SPC25: variants seen among roughly 807,000 people sequenced by gnomAD.
SPC25 encodes kinetochore protein Spc25.
In SPC25, 22 loss-of-function variants were observed where a neutral mutation model predicts 29.6. That is an observed-to-expected ratio of 0.74 (90% CI 0.53 to 1.06). SPC25 has a LOEUF of 1.06. Ranked by LOEUF, SPC25 falls within the 50% of genes least tolerant of loss-of-function variation. The pLI is 0.00. For missense variants in SPC25, 230 were observed against 255.8 expected, an observed-to-expected ratio of 0.90 and a Z score of 0.69; for synonymous variants, 91 against 90.4, an observed-to-expected ratio of 1.01 and a Z score of -0.04.
At position 168,889,359 on chromosome 2, in the gene SPC25, C is replaced by T. The variant is rs201201972; in HGVS notation, c.133+28G>A. The T allele has an allele frequency of 2.9e-5, 47 of 1,613,570 alleles. No individual in the cohort carries two copies. The East Asian group carries it at 9.8e-4, about 34-fold the overall frequency. On this transcript the variant is annotated intron_variant, in intron 2 of 6. Coordinates refer to ENST00000282074, the MANE Select transcript of SPC25 (RefSeq NM_020675.4). ...AAAAAATAAACTAGAACAGCAAAAC[C>T]AGCATGTTACAAGTTAACACTAGGT...
At chr2:168,864,797 A>T (rs1302341766) in intron 4 of SPC25, 3 of 1,612,202 alleles carry the variant, frequency 1.9e-6, no homozygotes, top group African/African-American at 2.7e-5. Context: ...ATGTGTTCAC[A>T]TCACAGAGAC....
In SPC25 at chr2:168,889,705, A is replaced by C. The variant is rs2272061; in HGVS notation, c.-14-172T>G. 7.0e-3 allele frequency among the ~76,000 whole-genome samples: 1,059 copies of C among 152,312 alleles called. 39 individuals carry two copies. The East Asian group carries it at 0.1, about 14-fold the overall frequency. ...AGCCACCTGGGCTTAACTGTTGTTA[A>C]CGTGCAGCAATAATTCAGGACACCT... On this transcript the variant is annotated intron_variant, in intron 1 of 6. Coordinates refer to ENST00000282074, the MANE Select transcript of SPC25 (RefSeq NM_020675.4).
chr2:168,863,887 A>G, intron 4 of SPC25, among the ~76,000 whole-genome samples: 1 of 152,232 alleles, frequency 6.6e-6, no homozygotes, highest in Non-Finnish European at 1.5e-5. Context: ...AGGCAGCATA[A>G]GGATATATGA....
intron 3 of SPC25, among the ~76,000 whole-genome samples, chr2:168,886,253 ACTATATTGCCCAGG>A (rs1423020333): frequency 6.6e-6 from 1 of 151,912 alleles, no homozygotes; most frequent in Non-Finnish European, 1.5e-5. Flanking sequence ...ACAAGGTCTC[ACTATATTGCCCAGG>A]CTGGTCTTGA....
chr2:168,889,608 G>C, intron 1 of SPC25, 75 bp from the exon 2 acceptor site: 2 of 1,454,484 alleles, frequency 1.4e-6, no homozygotes, highest in Non-Finnish European at 1.8e-6. Context: ...CGGGTATACA[G>C]TATTTTGGCA....
At chr2:168,862,543 T>TGTAA (rs67216045) in intron 4 of SPC25, among the ~76,000 whole-genome samples, 342 of 152,020 alleles carry the variant, frequency 2.2e-3, no homozygotes, top group Non-Finnish European at 3.8e-3. Flanking sequence ...CTCAACTTAG[T>TGTAA]GTAAGTAAGT....
At chr2:168,886,524 C>CT (rs112769874) in intron 3 of SPC25, among the ~76,000 whole-genome samples, 15,919 of 143,778 alleles carry the variant, frequency 0.11, 1,078 homozygotes, top group African/African-American at 0.21. Context: ...AAACTGATTT[C>CT]TTTTTTTTTT....
intron 4 of SPC25, among the ~76,000 whole-genome samples, chr2:168,864,659 A>C (rs2105810504): frequency 6.6e-6 from 1 of 152,278 alleles, no homozygotes; most frequent in South Asian, 2.1e-4. Context: ...TATCCTCTGG[A>C]TTATGCCTGC....
At chr2:168,889,127 CTT>C in intron 3 of SPC25, 97 bp downstream of exon 3, 1 of 919,352 alleles carries the variant, frequency 1.1e-6, no homozygotes, top group South Asian at 1.6e-5. Flanking sequence ...CATATACACA[CTT>C]GTGTACACAA....
downstream of SPC25, among the ~76,000 whole-genome samples, chr2:168,865,946 C>A (rs541340714): frequency 6.6e-6 from 1 of 152,404 alleles, no homozygotes; most frequent in South Asian, 2.1e-4. Context: ...AGGAGAACTA[C>A]AAACCACTGC....
At chr2:168,883,156 C>T (rs1033529779) in intron 3 of SPC25, among the ~76,000 whole-genome samples, 21 of 150,974 alleles carry the variant, frequency 1.4e-4, no homozygotes, top group African/African-American at 2.4e-4. Context: ...TATGGTATAT[C>T]GATAAGATGG....
At chr2:168,889,024 CATATATATACATATATATATACACAT>C (rs1364842395) in intron 3 of SPC25, among the ~76,000 whole-genome samples, 176 bp downstream of exon 3, 9 of 51,516 alleles carry the variant, frequency 1.7e-4, no homozygotes, top group South Asian at 6.9e-4. Flanking sequence ...TATATATACA[CATATATATACATATATATATACACAT>C]ATATATACAT....
intron 3 of SPC25, among the ~76,000 whole-genome samples, chr2:168,887,431 A>AAAAAAAAAAAAAAAAAAAAAAAG (rs1559157968): frequency 3.0e-5 from 4 of 133,458 alleles, no homozygotes; most frequent in African/African-American, 1.3e-4. Context: ...CAAAAAAAAA[A>AAAAAAAAAAAAAAAAAAAAAAAG]AAAGAAAGAA....
intron 4 of SPC25, 111 bp downstream of exon 4, chr2:168,877,127 G>T: frequency 8.7e-7 from 1 of 1,149,178 alleles, no homozygotes; most frequent in Non-Finnish European, 1.2e-6. Context: ...ATGCCCTGGG[G>T]TACTGTAATC....
chr2:168,880,876 G>A (rs1690166958), intron 3 of SPC25, among the ~76,000 whole-genome samples: 1 of 152,200 alleles, frequency 6.6e-6, no homozygotes, highest in Non-Finnish European at 1.5e-5. Flanking sequence ...TTATATGGGT[G>A]TCATTCATGG....
downstream of SPC25, among the ~76,000 whole-genome samples, chr2:168,868,644 A>C (rs184864287): frequency 5.1e-3 from 778 of 152,356 alleles, 3 homozygotes; most frequent in African/African-American, 0.018. Context: ...CACTCTCCCA[A>C]GACTAAACAA....
At chr2:168,886,644 A>C (rs1302003579) in intron 3 of SPC25, among the ~76,000 whole-genome samples, 1 of 151,254 alleles carries the variant, frequency 6.6e-6, no homozygotes, top group Non-Finnish European at 1.5e-5. Flanking sequence ...CTCAGCCTCC[A>C]GAGTAGCTGG....
At chr2:168,868,016 A>T (rs1689900610), downstream of SPC25, among the ~76,000 whole-genome samples, 1 of 152,368 alleles carries the variant, frequency 6.6e-6, no homozygotes, top group South Asian at 2.1e-4. Context: ...CTCAGACCAC[A>T]GTGCAACCAA....
rs777531066 is a variant in SPC25 at position 168,873,584 on chromosome 2, C to G, written c.550+1G>C. 1 of 1,599,904 alleles carries G rather than the reference C, an allele frequency of 6.3e-7. No homozygotes were observed. The highest frequency in any genetic ancestry group is 1.1e-5 in the South Asian group (1 of 90,682). On this transcript the variant is annotated splice_donor_variant, in intron 6 of 6. Transcript: ENST00000282074. LOFTEE classifies it high-confidence loss of function. Reference sequence around the variant, plus strand: ...ACCAGTTAGGAGATATTAGTACATACCTTCATAGTCCCTTGCTTCATTGAG... The same window carrying G: ...ACCAGTTAGGAGATATTAGTACATAGCTTCATAGTCCCTTGCTTCATTGAG...
Sources: gnomAD v4.1 joint callset for allele counts (sites outside exome capture counted in the v4.1 genomes callset) on GRCh38, gnomAD v4.1.1 for gene constraint, MANE v1.5 for transcripts, NCBI Gene and HGNC (gene_info 2026-07-23, HGNC 2026-07-21) for gene names.